Variants in KCNMA1 observed in about 807,000 individuals in gnomAD.
The protein encoded by KCNMA1 is potassium calcium-activated channel subfamily M alpha 1, also known as Calcium-activated potassium channel subunit alpha-1.
A neutral mutation model predicts 140.0 loss-of-function variants in KCNMA1; 29 were observed. The observed-to-expected ratio is 0.21, with a 90% CI of 0.15 to 0.28. The LOEUF (loss-of-function observed/expected upper bound fraction) is 0.28, where lower values mean the gene tolerates loss of function less well. KCNMA1 is among the 10% of genes least tolerant of loss of function. The pLI is 1.00. For synonymous variants in KCNMA1, 612 were observed against 611.9 expected (o/e 1.00, Z 0.00); for missense variants, 880 against 1,602.2 (o/e 0.55, Z 7.70).
chr10:76,997,499 T>C (rs2084778623), intron 19 of KCNMA1, among the ~76,000 whole-genome samples: 1 of 152,244 alleles, frequency 6.6e-6, no homozygotes, highest in Non-Finnish European at 1.5e-5. Flanking sequence ...ACTAGAATCA[T>C]GTCAGGCAGG....
At chr10:77,340,079 G>A (rs1263155880) in intron 2 of KCNMA1, among the ~76,000 whole-genome samples, 1 of 152,132 alleles carries the variant, frequency 6.6e-6, no homozygotes, top group African/African-American at 2.4e-5. Context: ...TAACACAGAA[G>A]TCAAGAGTGA....
intron 19 of KCNMA1, among the ~76,000 whole-genome samples, chr10:76,971,343 C>T (rs2076028331): frequency 6.6e-6 from 1 of 152,104 alleles, no homozygotes; most frequent in African/African-American, 2.4e-5. Flanking sequence ...TTGGTATTAT[C>T]CAGGAAGACC....
At chr10:77,358,436 C>T (rs1346834609) in intron 2 of KCNMA1, among the ~76,000 whole-genome samples, 1 of 152,150 alleles carries the variant, frequency 6.6e-6, no homozygotes, top group Admixed American at 6.6e-5. Flanking sequence ...ATGTTATCTA[C>T]AGGCTGATAC....
In KCNMA1 at chr10:77,624,444, G is replaced by A. The variant is rs576333194; in HGVS notation, c.378+12821C>T. On this transcript the variant is annotated intron_variant, in intron 1 of 27. Transcript: ENST00000286628. ...TGACAGGTTTGATGGTATTTCCAAT[G>A]GGGCCTGTGTCCCTAGATTGTAATT... Among the ~76,000 whole-genome samples the A allele has an allele frequency of 9.2e-5, 14 of 152,130 alleles. No homozygotes were observed. The South Asian group carries it at 2.5e-3, about 27-fold the overall frequency.
intron 5 of KCNMA1, among the ~76,000 whole-genome samples, chr10:77,141,459 A>C (rs1353517721): frequency 1.3e-5 from 2 of 152,212 alleles, no homozygotes; most frequent in African/African-American, 2.4e-5. Context: ...AAGAGAGACC[A>C]GAGAGTTTGC....
chr10:77,027,186 C>A (rs998758288), intron 16 of KCNMA1, among the ~76,000 whole-genome samples: 2 of 152,222 alleles, frequency 1.3e-5, no homozygotes, highest in Admixed American at 1.3e-4. Context: ...TGTGAACTCA[C>A]ATATTGACTG....
At chr10:77,573,253 T>C (rs372967500) in intron 1 of KCNMA1, among the ~76,000 whole-genome samples, 125 of 152,214 alleles carry the variant, frequency 8.2e-4, no homozygotes, top group African/African-American at 2.7e-3. Context: ...CATGAAACAG[T>C]TGATGGCCAG....
intron 5 of KCNMA1, among the ~76,000 whole-genome samples, chr10:77,170,641 G>A (rs571344237): frequency 7.2e-5 from 11 of 152,254 alleles, no homozygotes; most frequent in Middle Eastern, 3.4e-3. Flanking sequence ...ACCTCCCTCC[G>A]CCCCTCTCCT....
In KCNMA1 at chr10:76,885,744, C is replaced by T. The variant is rs201106778; in HGVS notation, c.*1522G>A. The T allele has an allele frequency of 2.9e-5, 29 of 985,126 alleles. No homozygotes were observed. The highest frequency in any genetic ancestry group is 6.2e-5 in the Admixed American group (1 of 16,258). The allele number at this position is 985,126 out of a possible 1,614,324, so 61.0% of individuals were successfully genotyped here. On this transcript the variant is annotated 3_prime_UTR_variant, in exon 28 of 28. Coordinates refer to ENST00000286628, the MANE Select transcript of KCNMA1 (RefSeq NM_001161352.2). The stretch of plus-strand genomic sequence containing the variant: ...CAGTTTTTAAGAAATACCGCACTGC[C>T]TAAAGCATGATTTGCATGCACAAAG...
intron 2 of KCNMA1, among the ~76,000 whole-genome samples, chr10:77,344,814 T>C (rs1461128741): frequency 1.3e-5 from 2 of 152,138 alleles, no homozygotes; most frequent in Admixed American, 6.6e-5. Flanking sequence ...GACTCTTCTA[T>C]TGTAATATAA....
intron 27 of KCNMA1, 104 bp from the exon 28 acceptor site, chr10:76,887,619 G>C: frequency 7.6e-7 from 1 of 1,321,144 alleles, no homozygotes; most frequent in Non-Finnish European, 1.1e-6. Flanking sequence ...GACTTTCAGA[G>C]GATCTGGAAG....
At chr10:77,256,023 C>T (rs935522655) in intron 2 of KCNMA1, among the ~76,000 whole-genome samples, 2 of 151,972 alleles carry the variant, frequency 1.3e-5, no homozygotes, top group Admixed American at 6.6e-5. Context: ...GATGAAAATC[C>T]CGGTGGACCA....
At chr10:77,294,217 C>A (rs540990920) in intron 2 of KCNMA1, among the ~76,000 whole-genome samples, 26 of 152,322 alleles carry the variant, frequency 1.7e-4, no homozygotes, top group African/African-American at 5.8e-4. Context: ...ACATGTTTGT[C>A]CTGGCTTCAA....
chr10:77,573,009 C>A (rs1273010656), intron 1 of KCNMA1, among the ~76,000 whole-genome samples: 3 of 152,130 alleles, frequency 2.0e-5, no homozygotes, highest in Non-Finnish European at 4.4e-5. Flanking sequence ...CAGTTCAGGG[C>A]AGCTTCCACT....
chr10:77,229,040 CA>C (rs2052574165), intron 3 of KCNMA1, among the ~76,000 whole-genome samples: 1 of 152,162 alleles, frequency 6.6e-6, no homozygotes, highest in South Asian at 2.1e-4. Context: ...ACAAAACTAA[CA>C]AAGCAGTTTG....
At chr10:77,040,821 A>C (rs1305705358) in intron 14 of KCNMA1, among the ~76,000 whole-genome samples, 4 of 152,184 alleles carry the variant, frequency 2.6e-5, no homozygotes, top group African/African-American at 9.7e-5. Flanking sequence ...TCTTGCTCCA[A>C]ATTTCAAAAG....
At chr10:77,467,124 T>C (rs184754851) in intron 1 of KCNMA1, among the ~76,000 whole-genome samples, 127 of 152,302 alleles carry the variant, frequency 8.3e-4, no homozygotes, top group Non-Finnish European at 2.1e-4. Flanking sequence ...GCCACCTCCA[T>C]TTGATGTGCA....
At chr10:76,941,022 A>AAGGAAGG (rs1565058483) in intron 23 of KCNMA1, among the ~76,000 whole-genome samples, 2,222 of 44,738 alleles carry the variant, frequency 0.05, 80 homozygotes, top group Middle Eastern at 0.11. Context: ...AGGAAGGAAG[A>AAGGAAGG]AAGAAAGAAA....
At chr10:77,331,868 C>G (rs2086568528) in intron 2 of KCNMA1, among the ~76,000 whole-genome samples, 1 of 151,932 alleles carries the variant, frequency 6.6e-6, no homozygotes, top group Non-Finnish European at 1.5e-5. Flanking sequence ...CCCAAATTGC[C>G]CTGGGGAGCA....
Sources: allele counts gnomAD v4.1 joint callset (sites outside exome capture counted in the v4.1 genomes callset), GRCh38; gene constraint gnomAD v4.1.1; transcripts MANE v1.5; gene names NCBI Gene and HGNC (gene_info 2026-07-23, HGNC 2026-07-21).